SH2D1A: variants seen among roughly 807,000 people sequenced by gnomAD.
SH2D1A encodes SH2 domain containing 1A.
Under a neutral mutation model 10.1 loss-of-function variants are expected in SH2D1A, and 6 were observed. That is an observed-to-expected ratio of 0.60 (90% CI 0.33 to 1.18). SH2D1A has a LOEUF of 1.18. Among genes scored for constraint, SH2D1A ranks in the 50% most tolerant of loss-of-function variants. SH2D1A has a pLI of 0.04. For missense variants in SH2D1A, 51 were observed against 97.6 expected, an observed-to-expected ratio of 0.52 and a Z score of 2.01; for synonymous variants, 42 against 36.9, an observed-to-expected ratio of 1.14 and a Z score of -0.51.
At chrX:124,371,286 A>G in intron 3 of SH2D1A, 65 bp from the exon 4 acceptor site, 1 of 766,142 alleles carries the variant, frequency 1.3e-6, no homozygotes, top group Non-Finnish European at 2.0e-6. Context: ...TATAAGTTTG[A>G]GTTAATCTGT....
At chrX:124,364,769 T>C (rs1317039312) in intron 1 of SH2D1A, among the ~76,000 whole-genome samples, 3 of 111,086 alleles carry the variant, frequency 2.7e-5, no homozygotes, top group Non-Finnish European at 3.8e-5. Flanking sequence ...AATATAAATA[T>C]TTTAAAATAA....
intron 2 of SH2D1A, among the ~76,000 whole-genome samples, chrX:124,369,887 T>C (rs1440367177): frequency 9.0e-6 from 1 of 111,218 alleles, no homozygotes; most frequent in Non-Finnish European, 1.9e-5. Context: ...AGGTTTGAGA[T>C]GTCTGATGGG....
At chrX:124,366,941 G>C (rs1314768056) in intron 2 of SH2D1A, among the ~76,000 whole-genome samples, 2 of 107,657 alleles carry the variant, frequency 1.9e-5, no homozygotes, top group Non-Finnish European at 3.8e-5. Context: ...TATTTCGCCA[G>C]AAATAGCTCT....
chrX:124,348,873 T>C (rs923311390), intron 1 of SH2D1A, among the ~76,000 whole-genome samples: 10 of 111,927 alleles, frequency 8.9e-5, no homozygotes, highest in Admixed American at 1.9e-4. Context: ...GAGGTTAGGG[T>C]ATGGACTCTG....
chrX:124,371,091 T>A (rs974028913), intron 3 of SH2D1A, among the ~76,000 whole-genome samples: 1 of 111,440 alleles, frequency 9.0e-6, no homozygotes, highest in Admixed American at 9.5e-5. Flanking sequence ...TAGACTCAAG[T>A]GGTGAATTAA....
At chrX:124,364,359 T>TA in intron 1 of SH2D1A, 1 of 249,281 alleles carries the variant, frequency 4.0e-6, no homozygotes, top group Non-Finnish European at 7.6e-6. Context: ...GCTTATGGAA[T>TA]AAGGATATAA....
chrX:124,349,518 G>C (rs929644221), intron 1 of SH2D1A, among the ~76,000 whole-genome samples: 1 of 111,598 alleles, frequency 9.0e-6, no homozygotes, highest in Non-Finnish European at 1.9e-5. Context: ...AACATGCATT[G>C]ATTGTAGGGT....
At chrX:124,364,426 A>G (rs1603238699) in intron 1 of SH2D1A, 2 of 280,357 alleles carry the variant, frequency 7.1e-6, no homozygotes, top group East Asian at 1.2e-4. Flanking sequence ...GAAGTGTTAT[A>G]AAAGAGTCAA....
intron 2 of SH2D1A, among the ~76,000 whole-genome samples, chrX:124,367,073 T>C (rs2060057477): frequency 9.0e-6 from 1 of 111,348 alleles, no homozygotes; most frequent in Non-Finnish European, 1.9e-5. Flanking sequence ...TATAACATCA[T>C]ATGAGATTGT....
In SH2D1A at chrX:124,372,822, G is replaced by A. The variant is rs913920866; in HGVS notation, c.*1431G>A. 6.2e-6 allele frequency: 1 copy of A among 162,349 alleles called. No individual in the cohort carries two copies. Among genetic ancestry groups the A allele is most frequent in the African/African-American group, 3.0e-5 (1 of 33,265 alleles). The allele number at this position is 162,349 out of a possible 1,213,427, so 13.4% of individuals were successfully genotyped here. On this transcript the variant is annotated 3_prime_UTR_variant, in exon 4 of 4. Coordinates refer to ENST00000371139, the MANE Select transcript of SH2D1A (RefSeq NM_002351.5). Reference sequence around the variant, plus strand: ...TTTCTGAGCATTTAATATGGATGCCGTGGGAGTACAAAAGTGGAGTGTGGC... The same window carrying A: ...TTTCTGAGCATTTAATATGGATGCCATGGGAGTACAAAAGTGGAGTGTGGC...
At chrX:124,359,246 A>G (rs193265785) in intron 1 of SH2D1A, among the ~76,000 whole-genome samples, 188 of 112,030 alleles carry the variant, frequency 1.7e-3, no homozygotes, top group Non-Finnish European at 2.7e-3. Flanking sequence ...CAGATTCGTT[A>G]GGAAACAATT....
At chrX:124,346,872 C>T (rs1390487416) in intron 1 of SH2D1A, 93 bp downstream of exon 1, 5 of 1,066,621 alleles carry the variant, frequency 4.7e-6, no homozygotes, top group Non-Finnish European at 6.5e-6. Context: ...CAGGCAGGGG[C>T]GCCGGCGTTA....
At chrX:124,360,678 G>A (rs1394655978) in intron 1 of SH2D1A, among the ~76,000 whole-genome samples, 1 of 100,625 alleles carries the variant, frequency 9.9e-6, no homozygotes, top group African/African-American at 3.7e-5. Context: ...CCCAAGAATA[G>A]CAATCAGAAA....
intron 3 of SH2D1A, 104 bp from the exon 4 acceptor site, chrX:124,371,247 C>G: frequency 1.9e-6 from 1 of 537,919 alleles, no homozygotes; most frequent in South Asian, 3.0e-5. Flanking sequence ...TGTGTTGTGT[C>G]ATTGTGAGTT....
intron 2 of SH2D1A, among the ~76,000 whole-genome samples, chrX:124,369,958 G>A (rs2060065439): frequency 9.0e-6 from 1 of 111,439 alleles, no homozygotes; most frequent in African/African-American, 3.3e-5. Context: ...CCACCTTTGG[G>A]AGAACTGAAA....
intron 1 of SH2D1A, among the ~76,000 whole-genome samples, chrX:124,356,400 A>G (rs1454683753): frequency 2.7e-5 from 3 of 111,962 alleles, no homozygotes; most frequent in Non-Finnish European, 5.6e-5. Context: ...TGGAAAACCT[A>G]AGACTCTAAC....
intron 1 of SH2D1A, among the ~76,000 whole-genome samples, chrX:124,357,452 T>G (rs1490725287): frequency 8.9e-6 from 1 of 112,368 alleles, no homozygotes; most frequent in Non-Finnish European, 1.9e-5. Flanking sequence ...GCAATATACA[T>G]GAAAGTGCAG....
intron 2 of SH2D1A, among the ~76,000 whole-genome samples, chrX:124,366,820 TTGAA>T (rs1249075250): frequency 9.2e-6 from 1 of 108,319 alleles, no homozygotes; most frequent in Non-Finnish European, 1.9e-5. Context: ...GCAGAGATGA[TTGAA>T]TAAGAAATTA....
intron 1 of SH2D1A, among the ~76,000 whole-genome samples, chrX:124,349,070 A>C (rs980081353): frequency 1.8e-5 from 2 of 112,689 alleles, no homozygotes; most frequent in African/African-American, 6.5e-5. Context: ...AGAAATTATC[A>C]AGCATTTAAG....
Sources: allele counts gnomAD v4.1 joint callset (sites outside exome capture counted in the v4.1 genomes callset), GRCh38; gene constraint gnomAD v4.1.1; transcripts MANE v1.5; gene names NCBI Gene and HGNC (gene_info 2026-07-23, HGNC 2026-07-21).